MED14: variants seen among roughly 807,000 people sequenced by gnomAD.
MED14 encodes mediator of RNA polymerase II transcription subunit 14.
MED14 carries 8 observed loss-of-function variants against 109.0 expected under a neutral mutation model. That is an observed-to-expected ratio of 0.07 (90% CI 0.04 to 0.13). The LOEUF is 0.13. Ranked by LOEUF, MED14 falls within the 10% of genes least tolerant of loss-of-function variation. The pLI is 1.00. For synonymous variants in MED14, 399 were observed against 408.7 expected (o/e 0.98, Z 0.29); for missense variants, 711 against 1,142.4 (o/e 0.62, Z 5.44).
At chrX:40,665,552 A>G (rs1424169215) in intron 24 of MED14, among the ~76,000 whole-genome samples, 1 of 111,492 alleles carries the variant, frequency 9.0e-6, no homozygotes, top group African/African-American at 3.3e-5. Context: ...AAAACAAAAC[A>G]AAAAAACCAA....
At chrX:40,671,569 T>TA (rs1397053612) in intron 23 of MED14, among the ~76,000 whole-genome samples, 4 of 112,377 alleles carry the variant, frequency 3.6e-5, no homozygotes, top group African/African-American at 1.3e-4. Flanking sequence ...TCATAGGCCT[T>TA]AGAGTCTGTC....
rs925289686 is a variant in MED14 at position 40,648,898 on chromosome X, C to T, written c.*2908G>A. ...AATTTAAATCACATCCTTAGACACA[C>T]TGTCCATTCTCAAACCGAATGAAAA... On this transcript the variant is annotated 3_prime_UTR_variant, in exon 31 of 31. Coordinates refer to ENST00000324817, the MANE Select transcript of MED14 (RefSeq NM_004229.4). 8.9e-6 allele frequency: 1 copy of T among 111,764 alleles called. No individual in the cohort carries two copies. Among genetic ancestry groups the T allele is most frequent in the Non-Finnish European group, 1.9e-5 (1 of 53,133 alleles). The allele number at this position is 111,764 out of a possible 1,213,427, so 9.2% of individuals were successfully genotyped here. A position where few individuals can be genotyped will look rare whatever the true frequency, so the allele number is the denominator to read the frequency against.
intron 12 of MED14, among the ~76,000 whole-genome samples, chrX:40,698,011 A>G (rs1345717821): frequency 1.8e-5 from 2 of 112,204 alleles, no homozygotes; most frequent in Non-Finnish European, 3.8e-5. Context: ...TCATTGAAAG[A>G]CAAATTTAAC....
chrX:40,670,966 T>TATTCTTTA (rs1929709854), intron 23 of MED14, among the ~76,000 whole-genome samples: 4 of 111,856 alleles, frequency 3.6e-5, no homozygotes, highest in Admixed American at 2.8e-4. Context: ...TTTAGTTCAG[T>TATTCTTTA]GGACTGATAT....
chrX:40,702,388 C>G (rs1288550450), intron 11 of MED14, among the ~76,000 whole-genome samples: 2 of 103,312 alleles, frequency 1.9e-5, no homozygotes, highest in Non-Finnish European at 3.9e-5. Flanking sequence ...GCTCTACCGC[C>G]CAGGCTGGAG....
At chrX:40,733,257 G>C (rs1481353471) in intron 1 of MED14, among the ~76,000 whole-genome samples, 1 of 110,017 alleles carries the variant, frequency 9.1e-6, no homozygotes, top group Non-Finnish European at 1.9e-5. Context: ...CAAGTAGCTG[G>C]AACTACAGGC....
At chrX:40,699,638 A>C (rs1238977659) in intron 12 of MED14, among the ~76,000 whole-genome samples, 1 of 112,246 alleles carries the variant, frequency 8.9e-6, no homozygotes, top group Non-Finnish European at 1.9e-5. Flanking sequence ...ACTGCCAGAT[A>C]AACAACCTCA....
intron 14 of MED14, 60 bp downstream of exon 14, chrX:40,692,648 A>C: frequency 7.4e-6 from 8 of 1,083,830 alleles, no homozygotes; most frequent in Non-Finnish European, 9.9e-6. Context: ...AAAAATGAGT[A>C]AAGAACACAA....
chrX:40,713,753 A>T (rs748384269), intron 5 of MED14, 25 bp downstream of exon 5: 1 of 1,206,811 alleles, frequency 8.3e-7, no homozygotes, highest in African/African-American at 1.7e-5. Flanking sequence ...ATCAACTCTT[A>T]AAAAAATAAA....
chrX:40,654,292 G>A, intron 30 of MED14, 72 bp downstream of exon 30: 7 of 963,803 alleles, frequency 7.3e-6, no homozygotes, highest in Non-Finnish European at 1.0e-5. Context: ...GAAGAGAAGA[G>A]GAGAAAGGGG....
rs1418140957 is a variant in MED14, at chrX:40,654,675, T to G, written c.4099-119A>C. ...TTAAGATAAGCAAGCAAAAGAAAAT[T>G]ACACATGACAAGAAAAGTGACAAAC... is the stretch of plus-strand genomic sequence containing the variant. On this transcript the variant is annotated intron_variant, in intron 29 of 30. Coordinates refer to ENST00000324817, the MANE Select transcript of MED14 (RefSeq NM_004229.4). The G allele has an allele frequency of 7.7e-6, 6 of 783,742 alleles. No individual in the cohort carries two copies. In the East Asian group the frequency reaches 2.1e-4, roughly 27 times the overall value. The allele number at this position is 783,742 out of a possible 1,213,427, so 64.6% of individuals were successfully genotyped here. A position where few individuals can be genotyped will look rare whatever the true frequency, so the allele number is the denominator to read the frequency against.
intron 12 of MED14, among the ~76,000 whole-genome samples, chrX:40,700,165 A>C (rs778409998): frequency 9.2e-6 from 1 of 108,122 alleles, no homozygotes; most frequent in African/African-American, 3.4e-5. Context: ...AAATAAATAA[A>C]TAAATAAAAT....
At chrX:40,664,011 C>A (rs1399394535) in intron 25 of MED14, among the ~76,000 whole-genome samples, 2 of 110,618 alleles carry the variant, frequency 1.8e-5, no homozygotes, top group African/African-American at 6.6e-5. Flanking sequence ...AGCCCCACCC[C>A]CAAAGTTGAT....
intron 16 of MED14, among the ~76,000 whole-genome samples, chrX:40,686,554 T>C (rs941932076): frequency 3.6e-5 from 4 of 111,726 alleles, no homozygotes; most frequent in African/African-American, 1.3e-4. Context: ...GTTGTTAAGA[T>C]AGCCAGGAAG....
At chrX:40,709,198 G>C (rs1304900018) in intron 10 of MED14, 150 bp downstream of exon 10, 2 of 299,993 alleles carry the variant, frequency 6.7e-6, no homozygotes, top group Non-Finnish European at 1.2e-5. Context: ...ATTAGCATAA[G>C]TTTGGCAGAT....
intron 4 of MED14, 101 bp from the exon 5 acceptor site, chrX:40,714,008 G>T: frequency 1.2e-6 from 1 of 855,983 alleles, no homozygotes; most frequent in Non-Finnish European, 1.6e-6. Context: ...TTACCTAAGA[G>T]AATCTTAACA....
At chrX:40,707,532 C>T (rs1931196219) in intron 10 of MED14, among the ~76,000 whole-genome samples, 1 of 111,576 alleles carries the variant, frequency 9.0e-6, no homozygotes, top group African/African-American at 3.3e-5. Context: ...AAAACAACCC[C>T]AATGTTCAAC....
At chrX:40,699,883 C>T (rs1314000496) in intron 12 of MED14, among the ~76,000 whole-genome samples, 1 of 111,363 alleles carries the variant, frequency 9.0e-6, no homozygotes, top group Admixed American at 9.5e-5. Context: ...CGGTGGCTCA[C>T]GCCTGTAATC....
upstream of MED14, chrX:40,735,624 G>T: frequency 2.0e-6 from 1 of 502,675 alleles, no homozygotes; most frequent in Non-Finnish European, 3.6e-6. Context: ...AGGGGCGGGG[G>T]GAGGCGGGGA....
Sources: allele counts gnomAD v4.1 joint callset (sites outside exome capture counted in the v4.1 genomes callset), GRCh38; gene constraint gnomAD v4.1.1; transcripts MANE v1.5; gene names NCBI Gene and HGNC (gene_info 2026-07-23, HGNC 2026-07-21).